Variants in IGSF3 observed in about 807,000 individuals in gnomAD.
IGSF3 encodes the protein glu-Trp-Ile EWI motif-containing protein 3.
In IGSF3, 23 loss-of-function variants were observed where a neutral mutation model predicts 114.4. The ratio of observed to expected loss-of-function variants is 0.20; its 90% CI spans 0.14 to 0.28. The LOEUF (loss-of-function observed/expected upper bound fraction) is 0.28. IGSF3 is among the 10% of genes least tolerant of loss of function. The pLI is 1.00. For synonymous variants in IGSF3, 571 were observed against 645.2 expected (o/e 0.88, Z 1.74); for missense variants, 1,172 against 1,591.5 (o/e 0.74, Z 4.48).
At chr1:116,587,782 G>A (rs1412332661) in intron 8 of IGSF3, among the ~76,000 whole-genome samples, 1 of 152,148 alleles carries the variant, frequency 6.6e-6, no homozygotes, top group Non-Finnish European at 1.5e-5. Flanking sequence ...CAGACAATGA[G>A]GGCAGCACAA....
chr1:116,596,259 TA>T lies in IGSF3; in HGVS notation c.2029+3681del, dbSNP rs1300710347. 3.3e-5 allele frequency among the ~76,000 whole-genome samples: 5 copies of T among 152,240 alleles called. No individual in the cohort carries two copies. Among genetic ancestry groups the T allele is most frequent in the African/African-American group, 9.6e-5 (4 of 41,466 alleles). ...AGTGAGTCAACAGTCCCTGGGTTCC[TA>T]TTTGATTCTGATGGAATAAGAATAT... On this transcript the variant is annotated intron_variant, in intron 7 of 10. Coordinates refer to ENST00000369486, the MANE Select transcript of IGSF3 (RefSeq NM_001007237.3). This position sits in a 1 kb window ranked among gnomAD's most constrained non-coding sequence, Gnocchi z 4.1.
chr1:116,654,633 C>G lies in IGSF3; in HGVS notation c.43+11651G>C, dbSNP rs958157063. ...TGGATTGGCCTTATACTCACCACCC[C>G]CCATACGAGGCTCCTCTGGTATGGA... On this transcript the variant is annotated intron_variant, in intron 2 of 10. Coordinates refer to ENST00000369486, the MANE Select transcript of IGSF3 (RefSeq NM_001007237.3). This position sits in a 1 kb window ranked among gnomAD's most constrained non-coding sequence, Gnocchi z 4.4. 2.0e-5 allele frequency among the ~76,000 whole-genome samples: 3 copies of G among 152,138 alleles called. No homozygotes were observed. The highest frequency in any genetic ancestry group is 6.5e-5 in the Admixed American group (1 of 15,272).
Position 116,599,984 on chromosome 1 carries a change from C to G in IGSF3, c.1986G>C (p.Ala662=), listed in dbSNP as rs118016798. 1.8e-5 allele frequency: 29 copies of G among 1,613,862 alleles called. No homozygotes were observed. Among genetic ancestry groups the G allele is most frequent in the Non-Finnish European group, 2.5e-5 (29 of 1,179,920 alleles). Residue 662 remains alanine, a synonymous_variant, in exon 7 of 11, where the codon GCG becomes GCC. Coordinates refer to ENST00000369486, the MANE Select transcript of IGSF3 (RefSeq NM_001007237.3). The part of the protein sequence containing the change: ...KNYNNTWTRL[A]ERTSNLLEIR... ...TCTCCAGCAGGTTGGAGGTCCTCTCCGCCAGTCGCGTCCAGGTGTTGTTGT... is the reference window on the plus strand; with the variant it reads ...TCTCCAGCAGGTTGGAGGTCCTCTCGGCCAGTCGCGTCCAGGTGTTGTTGT...
At chr1:116,602,734 G>A (rs1052166753) in intron 6 of IGSF3, among the ~76,000 whole-genome samples, 7 of 152,190 alleles carry the variant, frequency 4.6e-5, no homozygotes, top group Non-Finnish European at 8.8e-5. Context: ...AAGTTGCTGA[G>A]GACAACCGAT....
Position 116,638,108 on chromosome 1 carries a change from C to T in IGSF3, c.44-21651G>A, listed in dbSNP as rs2336308. Among the ~76,000 whole-genome samples the T allele has an allele frequency of 1.3e-5, 2 of 152,058 alleles. No individual in the cohort carries two copies. The highest frequency in any genetic ancestry group is 2.9e-5 in the Non-Finnish European group (2 of 68,004). ...CCATCCCACACATCTTAAAAATAAA[C>T]CAAAAATGTGTTATTCCAGCTACCC... On this transcript the variant is annotated intron_variant, in intron 2 of 10. Coordinates refer to ENST00000369486, the MANE Select transcript of IGSF3 (RefSeq NM_001007237.3). This position sits in a 1 kb window ranked among gnomAD's most constrained non-coding sequence, Gnocchi z 4.1.
chr1:116,621,190 C>T (rs1661405594), intron 2 of IGSF3, among the ~76,000 whole-genome samples: 1 of 152,206 alleles, frequency 6.6e-6, no homozygotes, highest in Non-Finnish European at 1.5e-5. Flanking sequence ...CTTCACCTTC[C>T]ACCATGATTG....
intron 2 of IGSF3, chr1:116,617,402 G>A (rs1661264334): frequency 2.0e-6 from 2 of 983,968 alleles, no homozygotes; most frequent in Non-Finnish European, 2.4e-6. Context: ...CTTCATTTCG[G>A]CAGTGGTCAC....
intron 2 of IGSF3, among the ~76,000 whole-genome samples, chr1:116,640,853 T>C (rs1368077105): frequency 6.6e-6 from 1 of 152,262 alleles, no homozygotes; most frequent in Non-Finnish European, 1.5e-5. Flanking sequence ...TTTAAGTGTT[T>C]CTATTCTTTG....
At chr1:116,630,333 T>C (rs1484830128) in intron 2 of IGSF3, among the ~76,000 whole-genome samples, 2 of 152,344 alleles carry the variant, frequency 1.3e-5, no homozygotes, top group Admixed American at 1.3e-4. Flanking sequence ...AGAGGCTTTC[T>C]CTCTGGTTAT....
rs1289382877 is a variant in IGSF3 at position 116,625,996 on chromosome 1, T to C, written c.44-9539A>G. Among the ~76,000 whole-genome samples the C allele has an allele frequency of 6.6e-6, 1 of 152,204 alleles. No homozygotes were observed. Among genetic ancestry groups the C allele is most frequent in the Non-Finnish European group, 1.5e-5 (1 of 68,046 alleles). On this transcript the variant is annotated intron_variant, in intron 2 of 10. Transcript: ENST00000369486. The surrounding 1 kb of genome is among the most constrained non-coding windows in gnomAD (Gnocchi z 4.7). ...TTAGCTACTGAGCCCCAGGGATGGG[T>C]GGCTGCTTCTAAGCTGCTGCCTAAT... is the stretch of plus-strand genomic sequence containing the variant.
At position 116,612,542 on chromosome 1, in the gene IGSF3, T is replaced by C. The variant is rs1661062239; in HGVS notation, c.832+1223A>G. Among the ~76,000 whole-genome samples, 1 of 152,208 alleles carries C rather than the reference T, an allele frequency of 6.6e-6. No individual in the cohort carries two copies. The highest frequency in any genetic ancestry group is 2.1e-4 in the South Asian group (1 of 4,828). ...CAAAATGTATACTGTTAGCTGAGTC[T>C]GAAGCATTACTCTAGAATGGCAGAG... On this transcript the variant is annotated intron_variant, in intron 4 of 10. Coordinates refer to ENST00000369486, the MANE Select transcript of IGSF3 (RefSeq NM_001007237.3). The surrounding 1 kb of genome is among the most constrained non-coding windows in gnomAD (Gnocchi z 4.1).
chr1:116,589,045 T>C lies in IGSF3; in HGVS notation c.2089A>G (p.Ile697Val). The C allele has an allele frequency of 6.2e-7, 1 of 1,614,184 alleles. No homozygotes were observed. Among genetic ancestry groups the C allele is most frequent in the East Asian group, 2.2e-5 (1 of 44,882 alleles). Residue 697 changes from isoleucine (I) to valine (V), a missense_variant, in exon 8 of 11, where the codon ATT becomes GTT. By Grantham distance (29) the Ile-to-Val change is conservative. This residue lies in a region of IGSF3 where 736 missense variants were observed against 1,042.0 expected (regional missense o/e 0.71). Coordinates refer to ENST00000369486, the MANE Select transcript of IGSF3 (RefSeq NM_001007237.3). The surrounding 1 kb of genome is among the most constrained non-coding windows in gnomAD (Gnocchi z 5.7). Reference protein sequence around the residue: ...RTLTLVENKPIQLNCSVKSQT... With the variant: ...RTLTLVENKPVQLNCSVKSQT... The stretch of plus-strand genomic sequence containing the variant: ...GACTTGACTGAGCAGTTCAACTGAA[T>C]GGGCTTGTTTTCCACCAGGGTGAGG...
At position 116,576,515 on chromosome 1, in the gene IGSF3, TTGG is replaced by T. The variant is rs1659347138; in HGVS notation, c.*794_*796del. The T allele has an allele frequency of 1.3e-5, 2 of 152,638 alleles. No homozygotes were observed. The highest frequency in any genetic ancestry group is 1.5e-5 in the Non-Finnish European group (1 of 68,044). 9.5% of individuals were successfully genotyped at this position (152,638 alleles called of 1,614,324 possible). A position where few individuals can be genotyped will look rare whatever the true frequency, so the allele number is the denominator to read the frequency against. ...CTTTAATTTGGAAAGTGTGTGCCGT[TTGG>T]GGCTTCTGACCCATTCTCCAAGACA... On this transcript the variant is annotated 3_prime_UTR_variant, in exon 11 of 11. Coordinates refer to ENST00000369486, the MANE Select transcript of IGSF3 (RefSeq NM_001007237.3). This position sits in a 1 kb window ranked among gnomAD's most constrained non-coding sequence, Gnocchi z 4.6.
At position 116,600,892 on chromosome 1, in the gene IGSF3, T is replaced by G. The variant is rs1474542997; in HGVS notation, c.1625-547A>C. Among the ~76,000 whole-genome samples the G allele has an allele frequency of 6.6e-6, 1 of 151,948 alleles. No homozygotes were observed. Among genetic ancestry groups the G allele is most frequent in the Non-Finnish European group, 1.5e-5 (1 of 67,974 alleles). On this transcript the variant is annotated intron_variant, in intron 6 of 10. Transcript: ENST00000369486. This position sits in a 1 kb window ranked among gnomAD's most constrained non-coding sequence, Gnocchi z 5.5. ...AAACAGAGCAGGTGGGGACCTCCAG[T>G]GGGGTGGGACAATTATCCTAAATGC...
At chr1:116,631,102 A>G (rs1015936814) in intron 2 of IGSF3, among the ~76,000 whole-genome samples, 3 of 151,940 alleles carry the variant, frequency 2.0e-5, no homozygotes, top group African/African-American at 7.3e-5. Flanking sequence ...GTGGATCATG[A>G]GGTCAGGAGA....
chr1:116,649,652 T>C lies in IGSF3; in HGVS notation c.43+16632A>G, dbSNP rs1205283189. Among the ~76,000 whole-genome samples, 1 of 152,314 alleles carries C rather than the reference T, an allele frequency of 6.6e-6. No individual in the cohort carries two copies. The highest frequency in any genetic ancestry group is 1.9e-4 in the East Asian group (1 of 5,182). On this transcript the variant is annotated intron_variant, in intron 2 of 10. Transcript: ENST00000369486. This position sits in a 1 kb window ranked among gnomAD's most constrained non-coding sequence, Gnocchi z 4.5. ...TCAACTCAAATGTGAGTTATTCCAGTAGCTTGAACTTGTCACTGGCCTTTT... is the reference window on the plus strand; with the variant it reads ...TCAACTCAAATGTGAGTTATTCCAGCAGCTTGAACTTGTCACTGGCCTTTT...
chr1:116,578,517 C>G (rs72697342), intron 10 of IGSF3, among the ~76,000 whole-genome samples: 3,637 of 152,218 alleles, frequency 0.024, 43 homozygotes, highest in Non-Finnish European at 0.034. Context: ...TGCAAAACTC[C>G]AATTTCATAT....
At position 116,603,523 on chromosome 1, in the gene IGSF3, A is replaced by T; in HGVS notation, c.1624+101T>A. On this transcript the variant is annotated intron_variant, in intron 6 of 10. Transcript: ENST00000369486. The surrounding 1 kb of genome is among the most constrained non-coding windows in gnomAD (Gnocchi z 7.1). ...ACTCTATAGGTAAAAGACTGGCCATAGTTTCCTGCTAAAACTCTGACTGAG... is the reference window on the plus strand; with the variant it reads ...ACTCTATAGGTAAAAGACTGGCCATTGTTTCCTGCTAAAACTCTGACTGAG... 1 of 1,159,482 alleles carries T rather than the reference A, an allele frequency of 8.6e-7. No homozygotes were observed. 71.8% of individuals were successfully genotyped at this position (1,159,482 alleles called of 1,614,324 possible).
chr1:116,647,479 A>T lies in IGSF3; in HGVS notation c.43+18805T>A, dbSNP rs139107657. 0.027 allele frequency among the ~76,000 whole-genome samples: 4,124 copies of T among 152,276 alleles called. 182 individuals carry two copies. Among genetic ancestry groups the T allele is most frequent in the African/African-American group, 0.094 (3,885 of 41,524 alleles). On this transcript the variant is annotated intron_variant, in intron 2 of 10. Transcript: ENST00000369486. The surrounding 1 kb of genome is among the most constrained non-coding windows in gnomAD (Gnocchi z 4.6). ...CAACCCCTGGCTCTGCTCAACAATAATGACAACCACCATTTATTGAGCCCT... is the reference window on the plus strand; with the variant it reads ...CAACCCCTGGCTCTGCTCAACAATATTGACAACCACCATTTATTGAGCCCT...
Sources: allele counts gnomAD v4.1 joint callset (sites outside exome capture counted in the v4.1 genomes callset), GRCh38; gene constraint gnomAD v4.1.1; regional missense constraint gnomAD v4.1.1; non-coding constraint Gnocchi (gnomAD v3.1); transcripts MANE v1.5; gene names NCBI Gene and HGNC (gene_info 2026-07-23, HGNC 2026-07-21).